The following ZNF518A variants were observed in gnomAD, a reference collection of about 807,000 sequenced individuals.
ZNF518A encodes the protein zinc finger protein 518.
In ZNF518A, 47 loss-of-function variants were observed where a neutral mutation model predicts 102.7. The observed-to-expected ratio is 0.46, with a 90% CI of 0.36 to 0.58. The LOEUF (loss-of-function observed/expected upper bound fraction) is 0.58. ZNF518A is among the 20% of genes least tolerant of loss of function. ZNF518A has a pLI of 0.00. For missense variants in ZNF518A, 1,793 were observed against 1,699.8 expected, an observed-to-expected ratio of 1.05 and a Z score of -0.96; for synonymous variants, 652 against 594.6, an observed-to-expected ratio of 1.10 and a Z score of -1.40.
At position 96,156,181 on chromosome 10, in the gene ZNF518A, C is replaced by CT; in HGVS notation, c.-126-13dup. The CT allele has an allele frequency of 1.4e-6, 1 of 692,588 alleles. No individual in the cohort carries two copies. Among genetic ancestry groups the CT allele is most frequent in the Non-Finnish European group, 2.1e-6 (1 of 473,888 alleles). The allele number at this position is 692,588 out of a possible 1,614,324, so 42.9% of individuals were successfully genotyped here. On this transcript the variant is annotated splice_polypyrimidine_tract_variant and intron_variant, in intron 5 of 5. Coordinates refer to ENST00000316045, the MANE Select transcript of ZNF518A (RefSeq NM_001330736.2). Reference sequence around the variant, plus strand: ...TATTTTTGTGATGAGAATTTCAATTCTTTGTTTAATTTTAGGTGAGTTATT... The same window carrying CT: ...TATTTTTGTGATGAGAATTTCAATTCTTTTGTTTAATTTTAGGTGAGTTATT...
rs145707282 is a variant in ZNF518A at position 96,131,722 on chromosome 10, G to C, written c.-452-864G>C. Among the ~76,000 whole-genome samples, 581 of 152,344 alleles carry C rather than the reference G, an allele frequency of 3.8e-3. 3 individuals are homozygous for C. The highest frequency in any genetic ancestry group is 6.7e-3 in the Non-Finnish European group (453 of 68,024). On this transcript the variant is annotated intron_variant, in intron 1 of 5. Coordinates refer to ENST00000316045, the MANE Select transcript of ZNF518A (RefSeq NM_001330736.2). ...ACAGTAACCACAATGAACACCCACT[G>C]TGTGCATTGATAATGTATGAACTTT...
chr10:96,159,717 A>G lies in ZNF518A; in HGVS notation c.3395A>G (p.Gln1132Arg). ...CAAAATAGTACTTATCAAAATATAC[A>G]GCCAAAGAAACCTGAAGGAACACCA... Reference protein sequence around the residue: ...LVQNSTYQNIQPKKPEGTPQR... With the variant: ...LVQNSTYQNIRPKKPEGTPQR... Residue 1132 changes from glutamine (Q) to arginine (R), a missense_variant, in exon 6 of 6, where the codon CAG becomes CGG. By Grantham distance (43) the Gln-to-Arg change is conservative. Around this residue, in one of 3 missense-constraint regions of ZNF518A, gnomAD observed 1,741 missense variants for 1,622.6 expected, o/e 1.07. Transcript: ENST00000316045. The G allele has an allele frequency of 1.2e-6, 2 of 1,613,284 alleles. No individual in the cohort carries two copies. The highest frequency in any genetic ancestry group is 1.7e-6 in the Non-Finnish European group (2 of 1,179,794).
At chr10:96,204,955 A>C, downstream of ZNF518A, 1 of 338,244 alleles carries the variant, frequency 3.0e-6, no homozygotes, top group South Asian at 2.4e-5. Context: ...GCCACCCTCT[A>C]AACAACTCAC....
intron 1 of ZNF518A, among the ~76,000 whole-genome samples, chr10:96,192,993 T>A (rs1213291746): frequency 6.6e-6 from 1 of 152,198 alleles, no homozygotes; most frequent in African/African-American, 2.4e-5. Flanking sequence ...TTTTAAGTGT[T>A]TATTAATTGT....
intron 3 of ZNF518A, among the ~76,000 whole-genome samples, chr10:96,148,861 G>A (rs780732570): frequency 1.3e-5 from 2 of 152,042 alleles, no homozygotes; most frequent in Admixed American, 6.5e-5. Flanking sequence ...GACTACAGGC[G>A]CCCACCACCA....
At chr10:96,204,248 AAAGAT>A (rs1477271378), downstream of ZNF518A, 2 of 824,276 alleles carry the variant, frequency 2.4e-6, no homozygotes, top group African/African-American at 3.4e-5. Flanking sequence ...CCAAAACCTT[AAAGAT>A]AAGTAAGACT....
At chr10:96,146,430 T>C (rs10882727) in intron 3 of ZNF518A, among the ~76,000 whole-genome samples, 46,594 of 152,044 alleles carry the variant, frequency 0.31, 8,253 homozygotes, top group East Asian at 0.67. Flanking sequence ...TGCCTTTTTT[T>C]CCTCACTGAC....
rs1554882533 is a variant in ZNF518A, at chr10:96,156,572, T to G, written c.250T>G (p.Ser84Ala). 4 of 1,613,192 alleles carry G rather than the reference T, an allele frequency of 2.5e-6. No homozygotes were observed. Among genetic ancestry groups the G allele is most frequent in the Middle Eastern group, 3.3e-4 (2 of 6,062 alleles). ...GAGTAAACAGCAGACTGCAAGAAAATCTATCAGTATAAAGACTGTAAGCTG... is the reference window on the plus strand; with the variant it reads ...GAGTAAACAGCAGACTGCAAGAAAAGCTATCAGTATAAAGACTGTAAGCTG... ...FQSKQQTARKSISIKTVSCVE... is the reference protein window; with the variant it reads ...FQSKQQTARKAISIKTVSCVE... The change falls in exon 6 of 6, where the codon TCT (serine) becomes GCT (alanine). Residue 84 changes from serine (S) to alanine (A), a missense_variant. Physicochemically the swap from Ser to Ala is moderately conservative, Grantham distance 99 (BLOSUM62 1). This residue lies in a region of ZNF518A where 1,741 missense variants were observed against 1,622.6 expected (regional missense o/e 1.07). Transcript: ENST00000316045.
intron 3 of ZNF518A, among the ~76,000 whole-genome samples, chr10:96,148,882 AT>A (rs1310520102): frequency 2.0e-5 from 3 of 152,018 alleles, no homozygotes; most frequent in African/African-American, 7.2e-5. Flanking sequence ...CACCCGGCTA[AT>A]TTTTTGTATT....
chr10:96,147,274 G>A (rs2082214844), intron 3 of ZNF518A, among the ~76,000 whole-genome samples: 1 of 152,212 alleles, frequency 6.6e-6, no homozygotes, highest in African/African-American at 2.4e-5. Context: ...TGACGTTTTT[G>A]GTGATGGAAG....
chr10:96,133,377 A>G (rs2081436117), intron 2 of ZNF518A, among the ~76,000 whole-genome samples: 1 of 152,172 alleles, frequency 6.6e-6, no homozygotes, highest in African/African-American at 2.4e-5. Flanking sequence ...GGGACTTGGG[A>G]ATCACTATAG....
chr10:96,185,859 A>G (rs1340242303), intron 1 of ZNF518A, among the ~76,000 whole-genome samples: 2 of 152,252 alleles, frequency 1.3e-5, no homozygotes, highest in South Asian at 2.1e-4. Flanking sequence ...GGCCTCCTTG[A>G]GCTGCAGTGG....
At chr10:96,195,266 A>G (rs1807139805) in intron 1 of ZNF518A, among the ~76,000 whole-genome samples, 1 of 152,226 alleles carries the variant, frequency 6.6e-6, no homozygotes, top group African/African-American at 2.4e-5. Flanking sequence ...TTCTCAAAAA[A>G]TTAAAAATAG....
chr10:96,202,461 G>A (rs1554896455), intron 1 of ZNF518A, among the ~76,000 whole-genome samples: 3 of 152,180 alleles, frequency 2.0e-5, no homozygotes, highest in African/African-American at 7.2e-5. Flanking sequence ...CAAGTGAGAA[G>A]TCAAGGGTGA....
intron 3 of ZNF518A, among the ~76,000 whole-genome samples, 193 bp from the exon 4 acceptor site, chr10:96,155,133 C>A (rs1197961073): frequency 4.6e-5 from 7 of 151,562 alleles, no homozygotes; most frequent in African/African-American, 1.7e-4. Context: ...ATGACTGAAC[C>A]TTCAGTATTC....
chr10:96,142,356 T>TGTGTGTG (rs1564748601), intron 3 of ZNF518A, among the ~76,000 whole-genome samples: 1 of 127,940 alleles, frequency 7.8e-6, no homozygotes, highest in Non-Finnish European at 1.7e-5. Flanking sequence ...GTGTGTGTGT[T>TGTGTGTG]TCTAGATTCC....
chr10:96,195,125 C>T lies in ZNF518A; in HGVS notation n.36-8449C>T, dbSNP rs587710517. Among the ~76,000 whole-genome samples, 21 of 152,214 alleles carry T rather than the reference C, an allele frequency of 1.4e-4. No homozygotes were observed. In the East Asian group the frequency reaches 3.3e-3, roughly 24 times the overall value. Reference sequence around the variant, plus strand: ...GTCTATCACCTTACACCCATTTGGACGGCTACTATAAAACAACAACACAAT... The same window carrying T: ...GTCTATCACCTTACACCCATTTGGATGGCTACTATAAAACAACAACACAAT... On this transcript the variant is annotated intron_variant and non_coding_transcript_variant, in intron 1 of 2. Coordinates refer to the ZNF518A transcript ENST00000442635.
downstream of ZNF518A, chr10:96,204,655 A>G: frequency 6.2e-7 from 1 of 1,601,330 alleles, no homozygotes; most frequent in Non-Finnish European, 8.6e-7. Context: ...TTAGAGTGAA[A>G]TGTCTGTCCT....
chr10:96,149,820 TAAC>T (rs2082343770), intron 3 of ZNF518A, among the ~76,000 whole-genome samples: 2 of 152,316 alleles, frequency 1.3e-5, no homozygotes, highest in African/African-American at 4.8e-5. Context: ...ACTATATTAA[TAAC>T]AATGTTTATA....
Sources: allele counts gnomAD v4.1 joint callset (sites outside exome capture counted in the v4.1 genomes callset), GRCh38; gene constraint gnomAD v4.1.1; regional missense constraint gnomAD v4.1.1; transcripts MANE v1.5; gene names NCBI Gene and HGNC (gene_info 2026-07-23, HGNC 2026-07-21).